KIAA2012: variants seen among roughly 807,000 people sequenced by gnomAD.
KIAA2012 encodes the protein KIAA2012, also known as uncharacterized protein KIAA2012.
Under a neutral mutation model 150.6 loss-of-function variants are expected in KIAA2012, and 125 were observed. The ratio of observed to expected loss-of-function variants is 0.83; its 90% CI spans 0.72 to 0.96. KIAA2012 has a LOEUF of 0.96. Among genes scored for constraint, KIAA2012 ranks in the 40% least tolerant of loss-of-function variants. The probability of loss-of-function intolerance (pLI) is 0.00; values close to 1 mark genes in which losing one functional copy is unlikely to be tolerated. For missense variants in KIAA2012, 1,219 were observed against 1,354.9 expected, an observed-to-expected ratio of 0.90 and a Z score of 1.57; for synonymous variants, 462 against 504.7, an observed-to-expected ratio of 0.92 and a Z score of 1.13.
intron 11 of KIAA2012, chr2:202,115,760 A>AAC (rs925078105): frequency 6.6e-6 from 1 of 151,750 alleles, no homozygotes; most frequent in East Asian, 1.9e-4. Flanking sequence ...AAAAAAAAAA[A>AAC]AAAACTCTTG....
chr2:202,147,484 A>C (rs973936624), intron 13 of KIAA2012, among the ~76,000 whole-genome samples: 3 of 152,166 alleles, frequency 2.0e-5, no homozygotes, highest in Non-Finnish European at 4.4e-5. Flanking sequence ...GTGGAGGGGA[A>C]GGGGTCAGGA....
chr2:202,179,265 C>T, intron 15 of KIAA2012: 1 of 1,057,690 alleles, frequency 9.5e-7, no homozygotes, highest in Non-Finnish European at 1.4e-6. Context: ...AAAAACTGTA[C>T]ATACTTGTGC....
chr2:202,102,006 T>G (rs562310601), intron 7 of KIAA2012, among the ~76,000 whole-genome samples: 67 of 152,290 alleles, frequency 4.4e-4, no homozygotes, highest in South Asian at 1.0e-3. Flanking sequence ...ATGCTTTTAT[T>G]TTTCCTCCTA....
chr2:202,153,112 T>C (rs1691459524), intron 13 of KIAA2012, among the ~76,000 whole-genome samples: 1 of 152,218 alleles, frequency 6.6e-6, no homozygotes, highest in Non-Finnish European at 1.5e-5. Context: ...CTCCTTTGAA[T>C]TGAGGTGGGC....
At position 202,197,055 on chromosome 2, in the gene KIAA2012, A is replaced by T. The variant is rs1405061053; in HGVS notation, c.3407+36A>T. 24 of 1,549,852 alleles carry T rather than the reference A, an allele frequency of 1.5e-5. No individual in the cohort carries two copies. The African/African-American group carries it at 1.9e-4, about 12-fold the overall frequency. On this transcript the variant is annotated intron_variant, in intron 22 of 23. Coordinates refer to ENST00000498697, the MANE Select transcript of KIAA2012 (RefSeq NM_001277372.4). ...TTTGGGCAACAGTTGCCATAGGGGGATGGTTCAAGGGCTTCACTGTCCAGT... is the reference window on the plus strand; with the variant it reads ...TTTGGGCAACAGTTGCCATAGGGGGTTGGTTCAAGGGCTTCACTGTCCAGT...
intron 11 of KIAA2012, among the ~76,000 whole-genome samples, chr2:202,119,331 G>GA (rs1217908713): frequency 6.6e-6 from 1 of 151,922 alleles, no homozygotes; most frequent in South Asian, 2.1e-4. Context: ...ATTTTTTGAA[G>GA]AAAAAATCAA....
At chr2:202,190,057 C>A in intron 18 of KIAA2012, 117 bp from the exon 19 acceptor site, 1 of 804,272 alleles carries the variant, frequency 1.2e-6, no homozygotes, top group Non-Finnish European at 1.9e-6. Flanking sequence ...CACTGCTCTC[C>A]AGCTTGGGTG....
intron 2 of KIAA2012, among the ~76,000 whole-genome samples, chr2:202,086,367 C>G (rs749508248): frequency 9.9e-5 from 15 of 152,046 alleles, no homozygotes; most frequent in Non-Finnish European, 2.1e-4. Flanking sequence ...AATGAGGTTG[C>G]AATTCACCCA....
intron 15 of KIAA2012, among the ~76,000 whole-genome samples, chr2:202,169,977 G>T (rs965109340): frequency 6.6e-6 from 1 of 152,170 alleles, no homozygotes; most frequent in Non-Finnish European, 1.5e-5. Context: ...TCTATGAGTC[G>T]CTCAGGCTTG....
At chr2:202,126,318 G>T (rs1174497188) in intron 12 of KIAA2012, among the ~76,000 whole-genome samples, 1 of 152,154 alleles carries the variant, frequency 6.6e-6, no homozygotes, top group Non-Finnish European at 1.5e-5. Flanking sequence ...TGTAGGAACA[G>T]GCGGGAGGCA....
At chr2:202,171,190 T>C (rs1691881298) in intron 15 of KIAA2012, among the ~76,000 whole-genome samples, 1 of 107,202 alleles carries the variant, frequency 9.3e-6, no homozygotes, top group Non-Finnish European at 1.9e-5. Flanking sequence ...CAGACACATA[T>C]ACACAGACAC....
At chr2:202,190,544 C>A in intron 19 of KIAA2012, 51 bp downstream of exon 19, 1 of 1,358,622 alleles carries the variant, frequency 7.4e-7, no homozygotes, top group Non-Finnish European at 9.9e-7. Flanking sequence ...TCTCACTTGG[C>A]GCGACTGCAA....
intron 15 of KIAA2012, among the ~76,000 whole-genome samples, chr2:202,174,087 T>G (rs1691947795): frequency 6.6e-6 from 1 of 152,164 alleles, no homozygotes; most frequent in Admixed American, 6.5e-5. Context: ...TGCCTCAGCC[T>G]CCCAAGTAGC....
chr2:202,201,868 AT>A lies in KIAA2012; in HGVS notation c.3408-559del, dbSNP rs1315002704. ...ACAGGCTAGGTTGGCTGTGTTGGAT[AT>A]TGACCTTTGCTGTTCATGGTGGCTG... On this transcript the variant is annotated intron_variant, in intron 22 of 23. Coordinates refer to ENST00000498697, the MANE Select transcript of KIAA2012 (RefSeq NM_001277372.4). The A allele has an allele frequency of 5.7e-6, 7 of 1,233,696 alleles. No individual in the cohort carries two copies. The Admixed American group carries it at 1.2e-4, about 21-fold the overall frequency. 76.4% of individuals were successfully genotyped at this position (1,233,696 alleles called of 1,614,324 possible).
At chr2:202,127,679 C>T (rs1231075061) in intron 12 of KIAA2012, among the ~76,000 whole-genome samples, 2 of 152,178 alleles carry the variant, frequency 1.3e-5, no homozygotes, top group East Asian at 1.9e-4. Context: ...TGATCCTTCT[C>T]GCCTCTATTC....
intron 2 of KIAA2012, among the ~76,000 whole-genome samples, chr2:202,082,490 G>A (rs181200438): frequency 6.6e-6 from 1 of 152,204 alleles, no homozygotes; most frequent in African/African-American, 2.4e-5. Flanking sequence ...ACAAAAGTAG[G>A]GAGGCTAAGG....
intron 3 of KIAA2012, among the ~76,000 whole-genome samples, chr2:202,091,228 G>A (rs569689847): frequency 2.6e-5 from 4 of 152,300 alleles, no homozygotes; most frequent in Non-Finnish European, 1.5e-5. Flanking sequence ...TCTCCACTCA[G>A]AGACCCTCCA....
At chr2:202,093,698 A>G (rs963679410) in intron 4 of KIAA2012, among the ~76,000 whole-genome samples, 2 of 152,192 alleles carry the variant, frequency 1.3e-5, no homozygotes, top group Non-Finnish European at 2.9e-5. Context: ...ATCTTAAGTA[A>G]GTCATTTAAC....
intron 14 of KIAA2012, among the ~76,000 whole-genome samples, chr2:202,157,742 T>C (rs1047564615): frequency 5.3e-5 from 8 of 152,212 alleles, no homozygotes; most frequent in Non-Finnish European, 8.8e-5. Context: ...CCAGTTCCAG[T>C]GCCTATGCTC....
Sources: gnomAD v4.1 joint callset for allele counts (sites outside exome capture counted in the v4.1 genomes callset) on GRCh38, gnomAD v4.1.1 for gene constraint, MANE v1.5 for transcripts, NCBI Gene and HGNC (gene_info 2026-07-23, HGNC 2026-07-21) for gene names.